MDGA1: variants seen among roughly 807,000 people sequenced by gnomAD.
MDGA1 encodes MAM domain containing glycosylphosphatidylinositol anchor 1, also known as MAM domain-containing glycosylphosphatidylinositol anchor protein 1.
MDGA1 carries 54 observed loss-of-function variants against 101.5 expected under a neutral mutation model. That is an observed-to-expected ratio of 0.53 (90% CI 0.43 to 0.67). The LOEUF is 0.67. MDGA1 is among the 30% of genes least tolerant of loss of function. MDGA1 has a pLI of 0.00. For synonymous variants in MDGA1, 533 were observed against 558.3 expected (o/e 0.95, Z 0.64); for missense variants, 1,083 against 1,323.8 (o/e 0.82, Z 2.82).
intron 12 of MDGA1, among the ~76,000 whole-genome samples, chr6:37,645,672 C>G (rs1271719911): frequency 6.6e-6 from 1 of 151,058 alleles, no homozygotes; most frequent in Admixed American, 6.6e-5. Flanking sequence ...GTAGATGAGC[C>G]CAGCCTCTCC....
chr6:37,642,179 CTTT>C (rs34171567), intron 14 of MDGA1, among the ~76,000 whole-genome samples: 5 of 109,346 alleles, frequency 4.6e-5, no homozygotes, highest in African/African-American at 1.0e-4. Flanking sequence ...TGGTTTCTTT[CTTT>C]TTTTTTTTTT....
At chr6:37,689,397 T>C (rs1440803396) in intron 1 of MDGA1, among the ~76,000 whole-genome samples, 5 of 152,216 alleles carry the variant, frequency 3.3e-5, no homozygotes, top group Admixed American at 6.5e-5. Flanking sequence ...CCCCCAGACA[T>C]GCCAGTGCCA....
At chr6:37,667,778 G>A (rs536343752) in intron 1 of MDGA1, among the ~76,000 whole-genome samples, 1 of 152,286 alleles carries the variant, frequency 6.6e-6, no homozygotes, top group South Asian at 2.1e-4. Flanking sequence ...CAGAAGCTTT[G>A]GTGACAGATA....
rs919923013 is a variant in MDGA1 at position 37,635,500 on chromosome 6, C to T, written c.*1868G>A. ...GCCTTGACTGGGTCAGGAAGGCAGC[C>T]GTGCTGATTGGGCATCAGAAGGCCC... On this transcript the variant is annotated 3_prime_UTR_variant, in exon 17 of 17. Coordinates refer to ENST00000434837, the MANE Select transcript of MDGA1 (RefSeq NM_153487.4). 3.5e-5 allele frequency: 14 copies of T among 398,540 alleles called. No individual in the cohort carries two copies. In the East Asian group the frequency reaches 4.6e-4, roughly 13 times the overall value. 24.7% of individuals were successfully genotyped at this position (398,540 alleles called of 1,614,324 possible).
chr6:37,638,260 A>G lies in MDGA1; in HGVS notation c.2721T>C (p.Asp907=), dbSNP rs74703632. ...GPGYLGDIAI[D]DVTLKKGECP... ...ACTCCCCCTTCTTCAGTGTGACGTC[A>G]TCTATGGCAATATCCCCCAGGTAGC... Residue 907 remains aspartate (D), a synonymous_variant, in exon 16 of 17, where the codon GAT becomes GAC. Coordinates refer to ENST00000434837, the MANE Select transcript of MDGA1 (RefSeq NM_153487.4). The surrounding 1 kb of genome is among the most constrained non-coding windows in gnomAD (Gnocchi z 4.8). The G allele has an allele frequency of 1.8e-3, 2,899 of 1,613,090 alleles. 38 individuals are homozygous for G. The African/African-American group carries it at 0.032, about 18-fold the overall frequency.
chr6:37,655,945 T>TG lies in MDGA1; in HGVS notation c.383-50dup, dbSNP rs1476528807. The TG allele has an allele frequency of 6.5e-5, 98 of 1,515,496 alleles. No individual in the cohort carries two copies. The highest frequency in any genetic ancestry group is 8.5e-5 in the Non-Finnish European group (96 of 1,123,062). 93.9% of individuals were successfully genotyped at this position (1,515,496 alleles called of 1,614,324 possible). A position where few individuals can be genotyped will look rare whatever the true frequency, so the allele number is the denominator to read the frequency against. ...AGTCAGGACTGGGTGACCCCAAGGTTGGGGGGCTCAGGCTCCTGGCAGCCC... is the reference window on the plus strand; with the variant it reads ...AGTCAGGACTGGGTGACCCCAAGGTTGGGGGGGCTCAGGCTCCTGGCAGCCC... On this transcript the variant is annotated intron_variant, in intron 3 of 16. Transcript: ENST00000434837. The surrounding 1 kb of genome is among the most constrained non-coding windows in gnomAD (Gnocchi z 5.1).
chr6:37,673,745 C>T (rs988219869), intron 1 of MDGA1, among the ~76,000 whole-genome samples: 1 of 152,088 alleles, frequency 6.6e-6, no homozygotes, highest in Non-Finnish European at 1.5e-5. Context: ...GGGGGAGGCT[C>T]CAGTTCTGTG....
At chr6:37,671,522 G>A (rs930463960) in intron 1 of MDGA1, among the ~76,000 whole-genome samples, 1 of 152,164 alleles carries the variant, frequency 6.6e-6, no homozygotes, top group Non-Finnish European at 1.5e-5. Flanking sequence ...GCACAGCCGA[G>A]GCAGAATGCT....
chr6:37,641,243 G>C (rs2113998891), intron 14 of MDGA1, among the ~76,000 whole-genome samples: 1 of 152,308 alleles, frequency 6.6e-6, no homozygotes, highest in East Asian at 1.9e-4. Context: ...TGGTGTCACA[G>C]ATGGTACACC....
chr6:37,647,353 C>T, intron 9 of MDGA1, 29 bp from the exon 10 acceptor site: 2 of 1,473,190 alleles, frequency 1.4e-6, no homozygotes, highest in Non-Finnish European at 1.8e-6. Context: ...GGGCATTGGG[C>T]CGTGGAGGGT....
In MDGA1 at chr6:37,652,726, A is replaced by G. The variant is rs1269617742; in HGVS notation, c.983-386T>C. ...CAGACAGCTTAAGTAACTTGCCCAA[A>G]AAAGTAGCCAATCTTGAATTCAAAC... is the stretch of plus-strand genomic sequence containing the variant. On this transcript the variant is annotated intron_variant, in intron 6 of 16. Transcript: ENST00000434837. This position sits in a 1 kb window ranked among gnomAD's most constrained non-coding sequence, Gnocchi z 4.3. Among the ~76,000 whole-genome samples the G allele has an allele frequency of 6.6e-6, 1 of 152,238 alleles. No individual in the cohort carries two copies. The highest frequency in any genetic ancestry group is 1.5e-5 in the Non-Finnish European group (1 of 68,048).
chr6:37,657,605 A>T (rs955564035), intron 3 of MDGA1, among the ~76,000 whole-genome samples: 1 of 152,174 alleles, frequency 6.6e-6, no homozygotes, highest in African/African-American at 2.4e-5. Flanking sequence ...TATAGCTAAT[A>T]GGTAGGTTCA....
intron 8 of MDGA1, chr6:37,649,870 A>ATTTT: frequency 1.1e-5 from 7 of 635,376 alleles, no homozygotes; most frequent in Middle Eastern, 2.5e-4. Flanking sequence ...AAATCAAGTA[A>ATTTT]TTTTTTTTTT....
At chr6:37,662,948 A>G (rs1761661256) in intron 2 of MDGA1, among the ~76,000 whole-genome samples, 2 of 152,174 alleles carry the variant, frequency 1.3e-5, no homozygotes, top group Admixed American at 6.5e-5. Context: ...CTCCAGCAGC[A>G]TTGTTTTCCC....
intron 10 of MDGA1, 68 bp downstream of exon 10, chr6:37,647,105 T>G: frequency 1.2e-5 from 17 of 1,428,404 alleles, no homozygotes; most frequent in Non-Finnish European, 1.6e-5. Context: ...CTGGCCTTGA[T>G]GAGCATTTCC....
chr6:37,648,891 A>C, intron 9 of MDGA1, 91 bp downstream of exon 9: 1 of 1,463,524 alleles, frequency 6.8e-7, no homozygotes, highest in Non-Finnish European at 9.0e-7. Flanking sequence ...CAGCAGGCCC[A>C]CCCAGGCAAA....
At chr6:37,675,543 T>G (rs1024840783) in intron 1 of MDGA1, among the ~76,000 whole-genome samples, 13 of 152,180 alleles carry the variant, frequency 8.5e-5, no homozygotes, top group Non-Finnish European at 1.8e-4. Flanking sequence ...TCCAGGAGTT[T>G]GTAATCCTGA....
At chr6:37,678,142 C>T (rs571441313) in intron 1 of MDGA1, among the ~76,000 whole-genome samples, 1 of 152,242 alleles carries the variant, frequency 6.6e-6, no homozygotes, top group East Asian at 1.9e-4. Context: ...TTCACTGCCC[C>T]CCAGTACCCC....
intron 14 of MDGA1, among the ~76,000 whole-genome samples, chr6:37,643,056 A>C (rs1229290004): frequency 6.6e-6 from 1 of 152,216 alleles, no homozygotes; most frequent in Non-Finnish European, 1.5e-5. Flanking sequence ...GGCTTGGAGA[A>C]GTCACACAGA....
Sources: allele counts gnomAD v4.1 joint callset (sites outside exome capture counted in the v4.1 genomes callset), GRCh38; gene constraint gnomAD v4.1.1; non-coding constraint Gnocchi (gnomAD v3.1); transcripts MANE v1.5; gene names NCBI Gene and HGNC (gene_info 2026-07-23, HGNC 2026-07-21).